FARSB: variants seen among roughly 807,000 people sequenced by gnomAD.
The protein encoded by FARSB is phenylalanyl-tRNA synthetase subunit beta.
FARSB carries 40 observed loss-of-function variants against 69.6 expected under a neutral mutation model. The observed-to-expected ratio is 0.57, with a 90% CI of 0.45 to 0.75. FARSB has a LOEUF of 0.75. Ranked by LOEUF, FARSB falls within the 30% of genes least tolerant of loss-of-function variation. FARSB has a pLI of 0.00. For missense variants in FARSB, 632 were observed against 722.9 expected (o/e 0.87, Z 1.44); for synonymous variants, 235 against 247.2 (o/e 0.95, Z 0.46).
At position 222,619,643 on chromosome 2, in the gene FARSB, A is replaced by G; in HGVS notation, c.1344+2T>C. On this transcript the variant is annotated splice_donor_variant, in intron 14 of 16. Transcript: ENST00000281828. LOFTEE classifies it high-confidence loss of function. ...GAATTCTCACCTACTTAAAATTCTTACCTGAAATTCAGCTGTTTTAGGATT... is the reference window on the plus strand; with the variant it reads ...GAATTCTCACCTACTTAAAATTCTTGCCTGAAATTCAGCTGTTTTAGGATT... The G allele has an allele frequency of 6.6e-7, 1 of 1,520,514 alleles. No individual in the cohort carries two copies. Among genetic ancestry groups the G allele is most frequent in the South Asian group, 1.1e-5 (1 of 88,776 alleles). The allele number at this position is 1,520,514 out of a possible 1,614,324, so 94.2% of individuals were successfully genotyped here.
chr2:222,593,030 G>A (rs748698908), intron 16 of FARSB, among the ~76,000 whole-genome samples: 5 of 151,952 alleles, frequency 3.3e-5, no homozygotes, highest in Admixed American at 6.6e-5. Context: ...GACTAAAAAC[G>A]TATCATATAT....
At chr2:222,615,874 C>A (rs1690984478) in intron 14 of FARSB, among the ~76,000 whole-genome samples, 2 of 152,162 alleles carry the variant, frequency 1.3e-5, no homozygotes, top group African/African-American at 4.8e-5. Flanking sequence ...AGTGCCCAAA[C>A]CATTCACAAA....
At chr2:222,614,176 T>C (rs1207830422) in intron 14 of FARSB, among the ~76,000 whole-genome samples, 2 of 152,224 alleles carry the variant, frequency 1.3e-5, no homozygotes, top group Non-Finnish European at 2.9e-5. Context: ...GATTAAAAAA[T>C]AAACGAGAAA....
chr2:222,639,674 C>A lies in FARSB; in HGVS notation c.361G>T (p.Ala121Ser), dbSNP rs2106235617. Residue 121 changes from alanine (A) to serine (S), a missense_variant, in exon 5 of 17, where the codon GCG becomes TCG. Physicochemically the swap from Ala to Ser is moderately conservative, Grantham distance 99 (BLOSUM62 1). Transcript: ENST00000281828. ...TEETAKIRPF[A>S]VAAVLRNIKF... is the part of the protein sequence containing the mutation. The stretch of plus-strand genomic sequence containing the variant: ...ATATTACGGAGAACTGCTGCTACCG[C>A]AAAAGGACGTATCTTAGCTGTCTGA... 6.4e-7 allele frequency: 1 copy of A among 1,570,870 alleles called. No homozygotes were observed.
intron 16 of FARSB, among the ~76,000 whole-genome samples, chr2:222,575,180 C>A (rs1481398957): frequency 2.6e-5 from 4 of 152,150 alleles, no homozygotes; most frequent in Non-Finnish European, 4.4e-5. Flanking sequence ...ACAATAACTC[C>A]GGTAGATTAA....
intron 5 of FARSB, 80 bp from the exon 6 acceptor site, chr2:222,634,621 G>T (rs1274136593): frequency 1.8e-6 from 2 of 1,123,632 alleles, no homozygotes; most frequent in South Asian, 1.8e-5. Flanking sequence ...TTCTAAAGCC[G>T]AAATTCTAAA....
At chr2:222,587,240 C>T (rs973802741) in intron 16 of FARSB, among the ~76,000 whole-genome samples, 1 of 152,162 alleles carries the variant, frequency 6.6e-6, no homozygotes, top group Non-Finnish European at 1.5e-5. Context: ...AACTGGACAA[C>T]GTGCTCCTGA....
intron 15 of FARSB, among the ~76,000 whole-genome samples, chr2:222,601,967 C>G (rs1367607419): frequency 1.3e-5 from 2 of 152,070 alleles, no homozygotes; most frequent in Non-Finnish European, 2.9e-5. Flanking sequence ...CAGCTAAAGG[C>G]AATATTTTAA....
intron 1 of FARSB, among the ~76,000 whole-genome samples, chr2:222,650,034 G>A (rs1246566730): frequency 2.0e-5 from 3 of 152,160 alleles, no homozygotes; most frequent in Non-Finnish European, 4.4e-5. Flanking sequence ...AGCCAGATGT[G>A]TAAATAAATA....
At chr2:222,610,845 G>C (rs1428969374) in intron 15 of FARSB, among the ~76,000 whole-genome samples, 2 of 152,206 alleles carry the variant, frequency 1.3e-5, no homozygotes, top group African/African-American at 4.8e-5. Context: ...GAGCCACAGA[G>C]AGAATAAACA....
At chr2:222,628,948 A>G in intron 9 of FARSB, 60 bp from the exon 10 acceptor site, 1 of 1,174,720 alleles carries the variant, frequency 8.5e-7, no homozygotes, top group Non-Finnish European at 1.3e-6. Flanking sequence ...AATTACAGAC[A>G]TGAGTATGGT....
intron 16 of FARSB, among the ~76,000 whole-genome samples, chr2:222,576,834 C>T (rs1245392129): frequency 6.6e-6 from 1 of 152,186 alleles, no homozygotes; most frequent in Admixed American, 6.5e-5. Context: ...AATTGTAGGA[C>T]TCTGCTGCCA....
rs1389508280 is a variant in FARSB, at chr2:222,646,178, T to G, written c.114+2562A>C. 2.0e-5 allele frequency among the ~76,000 whole-genome samples: 3 copies of G among 152,230 alleles called. 1 individual carries two copies. Among genetic ancestry groups the G allele is most frequent in the African/African-American group, 7.2e-5 (3 of 41,466 alleles). On this transcript the variant is annotated intron_variant, in intron 2 of 16. Coordinates refer to ENST00000281828, the MANE Select transcript of FARSB (RefSeq NM_005687.5). ...TTACCAAATTCTCCATAATCCATCC[T>G]GTACTAAAATTGGTTGACTCTTCCT...
Position 222,656,021 on chromosome 2 carries a change from G to C in FARSB, c.53C>G (p.Thr18Ser). Reference sequence around the variant, plus strand: ...CGTATAGGGCCGCCACTCACTGTAGGTGCGGCCCAGGGCTTGGAAGAGCAG... The same window carrying C: ...CGTATAGGGCCGCCACTCACTGTAGCTGCGGCCCAGGGCTTGGAAGAGCAG... ...RDLLFQALGR[T>S]YTDEEFDELC... is the part of the protein sequence containing the mutation. Residue 18 changes from threonine to serine, a missense_variant, in exon 1 of 17, where the codon ACC (threonine) becomes AGC (serine). Thr to Ser is a moderately conservative substitution (Grantham distance 58). Coordinates refer to ENST00000281828, the MANE Select transcript of FARSB (RefSeq NM_005687.5). The C allele has an allele frequency of 6.3e-7, 1 of 1,597,044 alleles. No individual in the cohort carries two copies.
chr2:222,591,785 C>T (rs1327571008), intron 16 of FARSB, among the ~76,000 whole-genome samples: 1 of 152,114 alleles, frequency 6.6e-6, no homozygotes, highest in Admixed American at 6.6e-5. Context: ...CCAATGCCTT[C>T]ATTAGCAAAT....
At chr2:222,631,791 AC>A in intron 7 of FARSB, 117 bp from the exon 8 acceptor site, 1 of 690,588 alleles carries the variant, frequency 1.4e-6, no homozygotes. Flanking sequence ...AAAAACTAAC[AC>A]CTTGGCCAGG....
Position 222,571,654 on chromosome 2 carries a change from A to AC in FARSB, c.*216dup, listed in dbSNP as rs1664762946. On this transcript the variant is annotated 3_prime_UTR_variant, in exon 17 of 17. Coordinates refer to ENST00000281828, the MANE Select transcript of FARSB (RefSeq NM_005687.5). ...CAGCACTCCACGGGGCTTTTACCCA[A>AC]CAATGCAGCTTCACACACAGACACC... 1 of 464,606 alleles carries AC rather than the reference A, an allele frequency of 2.2e-6. No homozygotes were observed. Among genetic ancestry groups the AC allele is most frequent in the South Asian group, 3.3e-5 (1 of 30,210 alleles). 28.8% of individuals were successfully genotyped at this position (464,606 alleles called of 1,614,324 possible). A position where few individuals can be genotyped will look rare whatever the true frequency, so the allele number is the denominator to read the frequency against.
At chr2:222,634,339 T>C (rs1691518448) in intron 6 of FARSB, 52 bp downstream of exon 6, 2 of 1,332,224 alleles carry the variant, frequency 1.5e-6, no homozygotes, top group Non-Finnish European at 2.0e-6. Context: ...TTGACTTTGA[T>C]GGAATTTCAT....
chr2:222,637,998 CAAAA>C (rs1691629258), intron 5 of FARSB, among the ~76,000 whole-genome samples: 2 of 151,402 alleles, frequency 1.3e-5, no homozygotes, highest in African/African-American at 2.4e-5. Context: ...AACAAACAAA[CAAAA>C]AGATCAATAA....
Sources: gnomAD v4.1 joint callset for allele counts (sites outside exome capture counted in the v4.1 genomes callset) on GRCh38, gnomAD v4.1.1 for gene constraint, MANE v1.5 for transcripts, NCBI Gene and HGNC (gene_info 2026-07-23, HGNC 2026-07-21) for gene names.